Variants in PCDH15 observed in about 807,000 individuals in gnomAD.
The protein encoded by PCDH15 is protocadherin-15.
A neutral mutation model predicts 178.5 loss-of-function variants in PCDH15; 129 were observed. The observed-to-expected ratio is 0.72, with a 90% CI of 0.63 to 0.84. PCDH15 has a LOEUF of 0.84. Among genes scored for constraint, PCDH15 ranks in the 40% least tolerant of loss-of-function variants. The pLI is 0.00. For missense variants in PCDH15, 2,230 were observed against 2,099.9 expected (o/e 1.06, Z -1.21); for synonymous variants, 800 against 732.0 (o/e 1.09, Z -1.50).
At chr10:54,205,662 T>A (rs1171040263) in intron 10 of PCDH15, among the ~76,000 whole-genome samples, 1 of 152,004 alleles carries the variant, frequency 6.6e-6, no homozygotes, top group Non-Finnish European at 1.5e-5. Context: ...CTAATAAAAA[T>A]AAGAATATCC....
chr10:54,040,695 A>T (rs2093522761), intron 18 of PCDH15, among the ~76,000 whole-genome samples: 1 of 152,014 alleles, frequency 6.6e-6, no homozygotes, highest in Admixed American at 6.6e-5. Context: ...TATTTTACAA[A>T]AGCATGGCCT....
chr10:54,082,721 A>G (rs1301046825), intron 16 of PCDH15, among the ~76,000 whole-genome samples: 1 of 151,478 alleles, frequency 6.6e-6, no homozygotes, highest in Non-Finnish European at 1.5e-5. Context: ...GATGCACGGG[A>G]AGCAAAGGAA....
chr10:54,326,148 A>C (rs1938032005), intron 7 of PCDH15, among the ~76,000 whole-genome samples: 2 of 152,148 alleles, frequency 1.3e-5, no homozygotes. Flanking sequence ...ATGTGAGATC[A>C]CTGAACTCAG....
At chr10:54,551,690 C>T (rs912096243) in intron 2 of PCDH15, among the ~76,000 whole-genome samples, 2 of 151,890 alleles carry the variant, frequency 1.3e-5, no homozygotes, top group Non-Finnish European at 2.9e-5. Context: ...TCATATTTTC[C>T]ATACTGTTTT....
At chr10:55,197,577 T>C (rs1482898240) in intron 1 of PCDH15, among the ~76,000 whole-genome samples, 2 of 152,076 alleles carry the variant, frequency 1.3e-5, no homozygotes, top group Admixed American at 6.5e-5. Flanking sequence ...ATTTTTTGAT[T>C]CTGGGTCACC....
chr10:54,258,771 A>C (rs2057101202), intron 8 of PCDH15, among the ~76,000 whole-genome samples: 1 of 152,220 alleles, frequency 6.6e-6, no homozygotes, highest in Non-Finnish European at 1.5e-5. Flanking sequence ...TTTTTCAATA[A>C]CTGTAATCAT....
intron 3 of PCDH15, among the ~76,000 whole-genome samples, chr10:54,894,420 T>C (rs999898372): frequency 1.3e-5 from 2 of 152,094 alleles, no homozygotes; most frequent in Non-Finnish European, 2.9e-5. Context: ...AGAAATTATT[T>C]TATGAACCAC....
At chr10:54,521,891 C>T (rs1357553101) in intron 3 of PCDH15, among the ~76,000 whole-genome samples, 2 of 151,778 alleles carry the variant, frequency 1.3e-5, no homozygotes, top group Non-Finnish European at 2.9e-5. Flanking sequence ...AGATCGAGAC[C>T]ACCCTGGCTA....
intron 3 of PCDH15, among the ~76,000 whole-genome samples, chr10:54,449,097 T>C (rs116665750): frequency 0.013 from 1,962 of 151,692 alleles, 39 homozygotes; most frequent in African/African-American, 0.045. Context: ...GTTCAAACCA[T>C]TTAAATCCTG....
At chr10:53,812,374 A>C (rs562952835) in intron 35 of PCDH15, among the ~76,000 whole-genome samples, 1 of 132,374 alleles carries the variant, frequency 7.6e-6, no homozygotes, top group African/African-American at 2.8e-5. Flanking sequence ...CGCCCGTCTA[A>C]ATTTTTGTAT....
intron 15 of PCDH15, among the ~76,000 whole-genome samples, chr10:54,103,948 G>A (rs7094845): frequency 1.3e-5 from 2 of 151,828 alleles, no homozygotes; most frequent in South Asian, 2.1e-4. Flanking sequence ...AAATAAACTC[G>A]AGCAGTTCTT....
chr10:55,238,630 C>T lies in PCDH15; in HGVS notation c.-155-71979G>A, dbSNP rs981085776. ...AGTCTCATTTATTAAACAAAAGTGA[C>T]ACTTCTAAATTACTTTGGGCAGAAA... On this transcript the variant is annotated intron_variant, in intron 1 of 5. Transcript: ENST00000458638. Among the ~76,000 whole-genome samples, 6 of 152,234 alleles carry T rather than the reference C, an allele frequency of 3.9e-5. No homozygotes were observed. In the South Asian group the frequency reaches 6.2e-4, roughly 16 times the overall value.
At chr10:54,634,061 T>C (rs117888386) in intron 2 of PCDH15, among the ~76,000 whole-genome samples, 11 of 152,272 alleles carry the variant, frequency 7.2e-5, no homozygotes, top group Non-Finnish European at 1.2e-4. Context: ...AGGTTTCTTG[T>C]GTCCATAGCC....
intron 18 of PCDH15, among the ~76,000 whole-genome samples, chr10:54,059,742 A>AT (rs1478348614): frequency 4.6e-5 from 7 of 152,178 alleles, no homozygotes; most frequent in Admixed American, 4.6e-4. Flanking sequence ...GCATGTTTGT[A>AT]TTTTTTCAGT....
chr10:55,468,678 T>C (rs1356312905), intron 2 of PCDH15, among the ~76,000 whole-genome samples: 1 of 152,214 alleles, frequency 6.6e-6, no homozygotes, highest in Non-Finnish European at 1.5e-5. Context: ...GTTTAGTCTT[T>C]AGTGATAACA....
intron 2 of PCDH15, among the ~76,000 whole-genome samples, chr10:55,444,703 G>A (rs1326389477): frequency 6.6e-6 from 1 of 152,104 alleles, no homozygotes; most frequent in Non-Finnish European, 1.5e-5. Context: ...CAGCTCTGCT[G>A]TAGTAACGAA....
At chr10:55,175,232 A>G (rs1227869782) in intron 1 of PCDH15, among the ~76,000 whole-genome samples, 5 of 152,286 alleles carry the variant, frequency 3.3e-5, no homozygotes, top group South Asian at 4.1e-4. Flanking sequence ...ACTCCAAACT[A>G]TCCATGATAG....
chr10:53,888,291 CAT>C (rs71004489), intron 26 of PCDH15, among the ~76,000 whole-genome samples: 2,466 of 48,794 alleles, frequency 0.051, 264 homozygotes, highest in African/African-American at 0.11. Flanking sequence ...ACTATATATA[CAT>C]ATATATATAT....
chr10:55,242,143 C>T (rs1156663318), intron 1 of PCDH15, among the ~76,000 whole-genome samples: 1 of 152,116 alleles, frequency 6.6e-6, no homozygotes, highest in Non-Finnish European at 1.5e-5. Context: ...TTAATAAGTC[C>T]AACTATTAGA....
Sources: gnomAD v4.1 joint callset for allele counts (sites outside exome capture counted in the v4.1 genomes callset) on GRCh38, gnomAD v4.1.1 for gene constraint, MANE v1.5 for transcripts, NCBI Gene and HGNC (gene_info 2026-07-23, HGNC 2026-07-21) for gene names.